The following KATNAL2 variants were observed in gnomAD, a reference collection of about 807,000 sequenced individuals.
KATNAL2 encodes katanin catalytic subunit A1 like 2, also known as katanin p60 ATPase-containing subunit A-like 2.
KATNAL2 carries 52 observed loss-of-function variants against 76.3 expected under a neutral mutation model. That is an observed-to-expected ratio of 0.68 (90% CI 0.55 to 0.86). The LOEUF is 0.86. Among genes scored for constraint, KATNAL2 ranks in the 40% least tolerant of loss-of-function variants. The pLI, the probability that KATNAL2 is intolerant of heterozygous loss-of-function variation, is 0.00. For missense variants in KATNAL2, 660 were observed against 668.9 expected (o/e 0.99, Z 0.15); for synonymous variants, 243 against 244.2 (o/e 1.00, Z 0.05).
intron 13 of KATNAL2, among the ~76,000 whole-genome samples, chr18:47,074,253 G>A (rs1052505654): frequency 1.4e-4 from 22 of 152,186 alleles, no homozygotes; most frequent in African/African-American, 5.1e-4. Context: ...TGGTGCATGC[G>A]CTTGAATGTA....
Position 47,085,256 on chromosome 18 carries a change from C to T in KATNAL2, c.1211+7795C>T, listed in dbSNP as rs959064486. Among the ~76,000 whole-genome samples, 3 of 152,144 alleles carry T rather than the reference C, an allele frequency of 2.0e-5. No homozygotes were observed. In the East Asian group the frequency reaches 5.8e-4, roughly 29 times the overall value. ...AATGGTAGTTTTATTGCTGGAACCA[C>T]TTTTGCAAAAATTATATAACAGTTA... On this transcript the variant is annotated intron_variant, in intron 15 of 17. Coordinates refer to ENST00000683218, the MANE Select transcript of KATNAL2 (RefSeq NM_001387690.1).
Position 47,033,829 on chromosome 18 carries a change from T to G in KATNAL2, c.52-12628T>G, listed in dbSNP as rs770483622. The G allele has an allele frequency of 2.5e-6, 4 of 1,613,972 alleles. No individual in the cohort carries two copies. In the African/African-American group the frequency reaches 4.0e-5, roughly 16 times the overall value. On this transcript the variant is annotated intron_variant, in intron 3 of 17. Coordinates refer to ENST00000683218, the MANE Select transcript of KATNAL2 (RefSeq NM_001387690.1). ...TGCCTGGGAGGTCATGGAGTCAGAA[T>G]CCGAAAGCGGATCGTAGTTGGCCTG... is the stretch of plus-strand genomic sequence containing the variant.
chr18:46,919,875 C>T (rs543100270), intron 1 of KATNAL2, among the ~76,000 whole-genome samples: 1 of 152,328 alleles, frequency 6.6e-6, no homozygotes, highest in Admixed American at 6.5e-5. Context: ...CCTTGATTTA[C>T]ACCTCAGTAG....
chr18:47,084,391 C>T, intron 15 of KATNAL2: 3 of 702,870 alleles, frequency 4.3e-6, no homozygotes, highest in Non-Finnish European at 7.8e-6. Context: ...CAATCAAGGT[C>T]TTGATTGTGC....
At chr18:47,095,102 T>C (rs60422392) in intron 15 of KATNAL2, among the ~76,000 whole-genome samples, 10,324 of 152,266 alleles carry the variant, frequency 0.068, 427 homozygotes, top group East Asian at 0.13. Context: ...CTCATTATTA[T>C]GCTTCCCAGC....
chr18:46,928,224 C>T (rs1385865884), intron 1 of KATNAL2, among the ~76,000 whole-genome samples: 1 of 151,936 alleles, frequency 6.6e-6, no homozygotes, highest in African/African-American at 2.4e-5. Flanking sequence ...TTTTATCTAC[C>T]TTTGGTCTTT....
intron 4 of KATNAL2, among the ~76,000 whole-genome samples, chr18:47,051,999 T>G (rs2061353584): frequency 6.6e-6 from 1 of 152,246 alleles, no homozygotes; most frequent in Non-Finnish European, 1.5e-5. Flanking sequence ...GAAAGAACTC[T>G]AACCTGCAGC....
At chr18:47,068,074 T>G (rs931699711) in intron 11 of KATNAL2, among the ~76,000 whole-genome samples, 1 of 152,210 alleles carries the variant, frequency 6.6e-6, no homozygotes. Context: ...CTTTCATGCC[T>G]CTTATATTTT....
chr18:46,965,827 G>A (rs1354082671), intron 3 of KATNAL2, among the ~76,000 whole-genome samples: 3 of 139,434 alleles, frequency 2.2e-5, no homozygotes, highest in South Asian at 2.4e-4. Flanking sequence ...TGATACTGGT[G>A]CCACGGTTTG....
In KATNAL2 at chr18:47,054,447, A is replaced by G; in HGVS notation, c.332+9A>G. 2 of 1,613,132 alleles carry G rather than the reference A, an allele frequency of 1.2e-6. No individual in the cohort carries two copies. Among genetic ancestry groups the G allele is most frequent in the East Asian group, 4.5e-5 (2 of 44,874 alleles). On this transcript the variant is annotated intron_variant, in intron 6 of 17. Coordinates refer to ENST00000683218, the MANE Select transcript of KATNAL2 (RefSeq NM_001387690.1). ...AGAGGGAAGACCAGAAGGTAAAGTG[A>G]ATGGTAATTCTTCTTAATCGACTCG...
At chr18:47,089,801 C>A (rs1163078299) in intron 15 of KATNAL2, among the ~76,000 whole-genome samples, 1 of 152,136 alleles carries the variant, frequency 6.6e-6, no homozygotes, top group African/African-American at 2.4e-5. Flanking sequence ...TTCAACAAAG[C>A]AGATTCACCT....
At chr18:47,083,643 T>C (rs1410127068) in intron 15 of KATNAL2, among the ~76,000 whole-genome samples, 1 of 152,156 alleles carries the variant, frequency 6.6e-6, no homozygotes, top group African/African-American at 2.4e-5. Context: ...GAACAGCTCT[T>C]GTGTGTCAAT....
At chr18:47,034,513 T>C (rs758599073) in intron 3 of KATNAL2, 1 of 1,614,210 alleles carries the variant, frequency 6.2e-7, no homozygotes, top group South Asian at 1.1e-5. Flanking sequence ...GCATGATTTC[T>C]CCCTGATCAA....
At chr18:47,056,914 G>A (rs1357989787) in intron 6 of KATNAL2, among the ~76,000 whole-genome samples, 2 of 151,980 alleles carry the variant, frequency 1.3e-5, no homozygotes, top group Non-Finnish European at 2.9e-5. Context: ...TAAAATGCTT[G>A]GTTTTCATTT....
At chr18:47,096,616 C>T (rs186860932) in intron 15 of KATNAL2, among the ~76,000 whole-genome samples, 3 of 152,314 alleles carry the variant, frequency 2.0e-5, no homozygotes, top group Non-Finnish European at 4.4e-5. Context: ...AGCCACCGCA[C>T]TCAGCTCATT....
intron 13 of KATNAL2, among the ~76,000 whole-genome samples, chr18:47,072,098 C>A (rs1219393606): frequency 6.7e-6 from 1 of 149,942 alleles, no homozygotes; most frequent in Non-Finnish European, 1.5e-5. Flanking sequence ...GTAGCTGGGA[C>A]TACAGGTGCC....
chr18:47,077,332 A>G lies in KATNAL2; in HGVS notation c.1101-19A>G. On this transcript the variant is annotated intron_variant, in intron 14 of 17. Coordinates refer to ENST00000683218, the MANE Select transcript of KATNAL2 (RefSeq NM_001387690.1). ...GAAGGCTCTGACACTTAGGAGAATC[A>G]CGTCTTGTCTCTCTGTAGGGGAGAA... 1 of 1,585,634 alleles carries G rather than the reference A, an allele frequency of 6.3e-7. No homozygotes were observed. Among genetic ancestry groups the G allele is most frequent in the Non-Finnish European group, 8.7e-7 (1 of 1,154,142 alleles).
At chr18:46,920,159 C>T (rs1358634316) in intron 1 of KATNAL2, 1 of 1,010,934 alleles carries the variant, frequency 9.9e-7, no homozygotes, top group Non-Finnish European at 1.4e-6. Context: ...GCAAAGAGTT[C>T]TAGGTGCTGC....
intron 3 of KATNAL2, among the ~76,000 whole-genome samples, chr18:46,954,545 G>A (rs1345976793): frequency 2.0e-5 from 3 of 151,724 alleles, no homozygotes; most frequent in African/African-American, 7.3e-5. Context: ...TGGCCAGGAT[G>A]GTCTTGATTT....
Sources: allele counts gnomAD v4.1 joint callset (sites outside exome capture counted in the v4.1 genomes callset), GRCh38; gene constraint gnomAD v4.1.1; transcripts MANE v1.5; gene names NCBI Gene and HGNC (gene_info 2026-07-23, HGNC 2026-07-21).